EXOC4: variants seen among roughly 807,000 people sequenced by gnomAD.
The protein encoded by EXOC4 is exocyst complex component 4.
In EXOC4, 71 loss-of-function variants were observed where a neutral mutation model predicts 107.2. The observed-to-expected ratio is 0.66, with a 90% CI of 0.55 to 0.81. The LOEUF is 0.81. EXOC4 is among the 30% of genes least tolerant of loss of function. The pLI is 0.00. For synonymous variants in EXOC4, 456 were observed against 441.2 expected (o/e 1.03, Z -0.42); for missense variants, 1,108 against 1,189.6 (o/e 0.93, Z 1.01).
chr7:133,274,009 T>TA (rs1218718401), intron 1 of EXOC4, among the ~76,000 whole-genome samples: 5 of 151,622 alleles, frequency 3.3e-5, no homozygotes, highest in Non-Finnish European at 5.9e-5. Context: ...AATACTAAAT[T>TA]AAAAAAAAAT....
intron 4 of EXOC4, among the ~76,000 whole-genome samples, chr7:133,309,240 T>A (rs551285404): frequency 6.6e-6 from 1 of 152,138 alleles, no homozygotes; most frequent in Non-Finnish European, 1.5e-5. Context: ...CTTCTTTTTA[T>A]ACACTTAAAA....
At chr7:133,920,804 C>G (rs898339600) in intron 13 of EXOC4, among the ~76,000 whole-genome samples, 3 of 152,212 alleles carry the variant, frequency 2.0e-5, no homozygotes, top group Non-Finnish European at 4.4e-5. Context: ...TTTCTTCTCT[C>G]TGAAGAACTT....
intron 9 of EXOC4, among the ~76,000 whole-genome samples, chr7:133,557,740 C>G (rs1269658144): frequency 6.6e-6 from 1 of 152,140 alleles, no homozygotes; most frequent in Non-Finnish European, 1.5e-5. Context: ...CCTGTAATCC[C>G]AGCACTTTGG....
Position 133,760,723 on chromosome 7 carries a change from C to G in EXOC4, c.1515-56602C>G, listed in dbSNP as rs190037239. Among the ~76,000 whole-genome samples the G allele has an allele frequency of 2.2e-4, 33 of 150,702 alleles. No homozygotes were observed. The East Asian group carries it at 6.2e-3, about 28-fold the overall frequency. On this transcript the variant is annotated intron_variant, in intron 10 of 17. Transcript: ENST00000253861. ...TATTGTTTTCACTATATTATAAAACCTTCTTTACTTAAAAAAAAAAAAAAG... is the reference window on the plus strand; with the variant it reads ...TATTGTTTTCACTATATTATAAAACGTTCTTTACTTAAAAAAAAAAAAAAG...
chr7:133,898,399 T>C (rs1284532883), intron 12 of EXOC4, among the ~76,000 whole-genome samples: 1 of 152,076 alleles, frequency 6.6e-6, no homozygotes, highest in African/African-American at 2.4e-5. Context: ...GATTCCAAAG[T>C]GGTAGTACCA....
chr7:133,606,964 T>C (rs1358745625), intron 9 of EXOC4, among the ~76,000 whole-genome samples: 2 of 152,212 alleles, frequency 1.3e-5, no homozygotes. Context: ...CTTGTACTCA[T>C]TTATAGACCC....
intron 11 of EXOC4, among the ~76,000 whole-genome samples, chr7:133,850,175 T>A (rs1798212199): frequency 6.6e-6 from 1 of 152,236 alleles, no homozygotes; most frequent in African/African-American, 2.4e-5. Flanking sequence ...AAAATTTTTC[T>A]CTGGGTACTG....
chr7:133,597,904 A>C (rs566325429), intron 9 of EXOC4, among the ~76,000 whole-genome samples: 1 of 151,974 alleles, frequency 6.6e-6, no homozygotes, highest in South Asian at 2.1e-4. Context: ...AATCAATCCC[A>C]GCTACTCTGG....
intron 12 of EXOC4, among the ~76,000 whole-genome samples, chr7:133,901,331 G>T (rs890061057): frequency 1.3e-5 from 2 of 152,086 alleles, no homozygotes; most frequent in African/African-American, 4.8e-5. Context: ...ATGTCCAACA[G>T]CATAAGACTA....
chr7:134,088,550 A>C, the EXOC4 span, among the ~76,000 whole-genome samples: 2 of 152,326 alleles, frequency 1.3e-5, no homozygotes, highest in Admixed American at 1.3e-4. Flanking sequence ...TACTCCATGC[A>C]GTTAACTTCT....
intron 12 of EXOC4, among the ~76,000 whole-genome samples, chr7:133,901,744 T>C (rs1162668893): frequency 6.6e-6 from 1 of 152,220 alleles, no homozygotes; most frequent in Non-Finnish European, 1.5e-5. Context: ...ACATATTTCA[T>C]AATCTGCCCT....
intron 17 of EXOC4, among the ~76,000 whole-genome samples, chr7:134,049,038 AG>A (rs2116568995): frequency 6.6e-6 from 1 of 152,322 alleles, no homozygotes; most frequent in South Asian, 2.1e-4. Flanking sequence ...TCCAGATTCC[AG>A]GGTGTATGTA....
At chr7:133,577,069 T>C (rs1224611338) in intron 9 of EXOC4, among the ~76,000 whole-genome samples, 1 of 152,160 alleles carries the variant, frequency 6.6e-6, no homozygotes, top group African/African-American at 2.4e-5. Context: ...CATAGCAGTC[T>C]TTCACAGTGT....
intron 7 of EXOC4, among the ~76,000 whole-genome samples, chr7:133,420,614 C>G (rs912176541): frequency 6.6e-6 from 1 of 152,056 alleles, no homozygotes; most frequent in African/African-American, 2.4e-5. Context: ...AAAGCGTGGA[C>G]AGTAGGAGGT....
At chr7:134,011,114 A>G (rs537062303) in intron 17 of EXOC4, among the ~76,000 whole-genome samples, 7 of 152,322 alleles carry the variant, frequency 4.6e-5, no homozygotes, top group Non-Finnish European at 1.0e-4. Context: ...AAATCAGTGT[A>G]GATGAGTTAG....
intron 1 of EXOC4, 57 bp from the exon 2 acceptor site, chr7:133,274,925 C>A (rs1158504110): frequency 3.0e-6 from 4 of 1,352,618 alleles, no homozygotes; most frequent in Middle Eastern, 2.0e-4. Context: ...CTTCACCTTT[C>A]TTTTGCATTT....
rs1431074627 is a variant in EXOC4 at position 133,630,157 on chromosome 7, T to C, written c.1514+16T>C. 3.9e-6 allele frequency: 6 copies of C among 1,558,172 alleles called. No homozygotes were observed. Among genetic ancestry groups the C allele is most frequent in the Non-Finnish European group, 5.3e-6 (6 of 1,129,396 alleles). ...CATTACTAAGGTAAGTCAAGTGCTA[T>C]GATATACTTACTGAAGATCAATATT... On this transcript the variant is annotated intron_variant, in intron 10 of 17. Transcript: ENST00000253861.
intron 1 of EXOC4, among the ~76,000 whole-genome samples, chr7:133,272,787 T>G (rs1283772769): frequency 6.6e-6 from 1 of 152,170 alleles, no homozygotes; most frequent in Non-Finnish European, 1.5e-5. Context: ...AGGCCCAATT[T>G]CCTCTCTAAT....
At chr7:133,701,396 A>G (rs1794652136) in intron 10 of EXOC4, among the ~76,000 whole-genome samples, 2 of 152,230 alleles carry the variant, frequency 1.3e-5, no homozygotes. Context: ...TGCCTGTTTA[A>G]TCAACAGTGT....
Sources: allele counts gnomAD v4.1 joint callset (sites outside exome capture counted in the v4.1 genomes callset), GRCh38; gene constraint gnomAD v4.1.1; transcripts MANE v1.5; gene names NCBI Gene and HGNC (gene_info 2026-07-23, HGNC 2026-07-21).